PABPC4L: variants seen among roughly 807,000 people sequenced by gnomAD.
PABPC4L encodes polyadenylate-binding protein 4-like.
For missense variants in PABPC4L, 452 were observed against 451.4 expected, an observed-to-expected ratio of 1.00 and a Z score of -0.01; for synonymous variants, 169 against 164.1, an observed-to-expected ratio of 1.03 and a Z score of -0.23.
At chr4:134,140,241 C>G in the PABPC4L span, among the ~76,000 whole-genome samples, 1 of 151,652 alleles carries the variant, frequency 6.6e-6, no homozygotes, top group African/African-American at 2.4e-5. Flanking sequence ...CACACACACA[C>G]AAAGTAACTA....
chr4:134,033,635 T>C, the PABPC4L span, among the ~76,000 whole-genome samples: 3 of 152,028 alleles, frequency 2.0e-5, no homozygotes, highest in East Asian at 5.8e-4. Context: ...ATGAAGAAAC[T>C]TTTAATGGTC....
At chr4:133,986,446 T>A in the PABPC4L span, among the ~76,000 whole-genome samples, 1 of 152,028 alleles carries the variant, frequency 6.6e-6, no homozygotes, top group Admixed American at 6.6e-5. Context: ...ATAAAAATTA[T>A]TTGTTTGCAT....
the PABPC4L span, among the ~76,000 whole-genome samples, chr4:134,024,923 A>T: frequency 7.8e-6 from 1 of 128,464 alleles, no homozygotes; most frequent in Non-Finnish European, 1.6e-5. Context: ...TAATTATGTA[A>T]TTTTTTTTTT....
At chr4:133,973,815 C>T in the PABPC4L span, among the ~76,000 whole-genome samples, 1 of 152,276 alleles carries the variant, frequency 6.6e-6, no homozygotes, top group East Asian at 1.9e-4. Context: ...GTTCTTCAGT[C>T]AGCCCCACCT....
chr4:134,115,314 T>G, the PABPC4L span, among the ~76,000 whole-genome samples: 1 of 151,858 alleles, frequency 6.6e-6, no homozygotes, highest in Non-Finnish European at 1.5e-5. Flanking sequence ...GCTTATAGTC[T>G]ACTATGAAAG....
the PABPC4L span, among the ~76,000 whole-genome samples, chr4:134,072,113 C>T: frequency 6.6e-6 from 1 of 152,064 alleles, no homozygotes; most frequent in Non-Finnish European, 1.5e-5. Flanking sequence ...AATGTGATTT[C>T]TTTTTGCCTG....
the PABPC4L span, among the ~76,000 whole-genome samples, chr4:134,149,094 C>T: frequency 6.6e-6 from 1 of 152,206 alleles, no homozygotes; most frequent in African/African-American, 2.4e-5. Flanking sequence ...CACTACCTTT[C>T]CTATATTGAT....
the PABPC4L span, among the ~76,000 whole-genome samples, chr4:134,094,626 A>C: frequency 6.6e-6 from 1 of 151,898 alleles, no homozygotes; most frequent in Non-Finnish European, 1.5e-5. Flanking sequence ...TTGTAATAAC[A>C]GATTTTTCCA....
At chr4:133,972,823 G>T in the PABPC4L span, among the ~76,000 whole-genome samples, 1 of 152,240 alleles carries the variant, frequency 6.6e-6, no homozygotes, top group Non-Finnish European at 1.5e-5. Flanking sequence ...AAGGGCCCTA[G>T]CATCATTAAG....
chr4:134,179,550 A>G, the PABPC4L span, among the ~76,000 whole-genome samples: 2 of 152,156 alleles, frequency 1.3e-5, no homozygotes, highest in African/African-American at 4.8e-5. Context: ...GTAACTTTGA[A>G]TGTAAATGAG....
chr4:134,105,279 G>A, the PABPC4L span, among the ~76,000 whole-genome samples: 5 of 151,482 alleles, frequency 3.3e-5, no homozygotes, highest in East Asian at 9.7e-4. Flanking sequence ...ATATCTCTGT[G>A]GAATATAAAG....
chr4:134,059,262 C>T, the PABPC4L span, among the ~76,000 whole-genome samples: 1 of 151,472 alleles, frequency 6.6e-6, no homozygotes, highest in Non-Finnish European at 1.5e-5. Flanking sequence ...CATGTACATA[C>T]ATCTCCAAAT....
At chr4:134,110,019 C>T in the PABPC4L span, among the ~76,000 whole-genome samples, 3 of 151,994 alleles carry the variant, frequency 2.0e-5, no homozygotes, top group Non-Finnish European at 4.4e-5. Context: ...ATTCATTTGA[C>T]AAGGTGAAAT....
At chr4:134,183,211 C>T in the PABPC4L span, among the ~76,000 whole-genome samples, 2 of 151,788 alleles carry the variant, frequency 1.3e-5, no homozygotes, top group Admixed American at 1.3e-4. Context: ...CACCCAAATG[C>T]TCATCAATGG....
At chr4:134,027,337 CAGAG>C in the PABPC4L span, among the ~76,000 whole-genome samples, 31 of 152,164 alleles carry the variant, frequency 2.0e-4, 2 homozygotes, top group Non-Finnish European at 4.1e-4. Flanking sequence ...GGGAGAGAGA[CAGAG>C]AGAGAGTCTT....
the PABPC4L span, among the ~76,000 whole-genome samples, chr4:134,160,780 C>T: frequency 6.6e-6 from 1 of 151,938 alleles, no homozygotes; most frequent in African/African-American, 2.4e-5. Context: ...GTGAGGATTG[C>T]TCAAGCCTAG....
At chr4:134,157,273 T>G in the PABPC4L span, among the ~76,000 whole-genome samples, 1 of 151,600 alleles carries the variant, frequency 6.6e-6, no homozygotes, top group African/African-American at 2.4e-5. Flanking sequence ...TAGTTTTTTT[T>G]TTTTTAGTAT....
At chr4:134,078,963 CG>C in the PABPC4L span, among the ~76,000 whole-genome samples, 1 of 139,580 alleles carries the variant, frequency 7.2e-6, no homozygotes, top group Non-Finnish European at 1.5e-5. Context: ...CCACCGTGCC[CG>C]GGCTTTTTTT....
the PABPC4L span, among the ~76,000 whole-genome samples, chr4:133,964,107 C>T: frequency 6.6e-6 from 1 of 151,882 alleles, no homozygotes; most frequent in African/African-American, 2.4e-5. Flanking sequence ...AGAGAAAATC[C>T]AAATAACCTC....
Sources: gnomAD v4.1 joint callset for allele counts (sites outside exome capture counted in the v4.1 genomes callset) on GRCh38, gnomAD v4.1.1 for gene constraint, MANE v1.5 for transcripts, NCBI Gene and HGNC (gene_info 2026-07-23, HGNC 2026-07-21) for gene names.